The following DYNC2H1 variants were observed in gnomAD, a reference collection of about 807,000 sequenced individuals.
The protein encoded by DYNC2H1 is cytoplasmic dynein 2 heavy chain 1.
DYNC2H1 carries 410 observed loss-of-function variants against 570.0 expected under a neutral mutation model. The observed-to-expected ratio is 0.72, with a 90% CI of 0.66 to 0.78. The LOEUF is 0.78. Among genes scored for constraint, DYNC2H1 ranks in the 30% least tolerant of loss-of-function variants. The probability of loss-of-function intolerance (pLI) is 0.00; values close to 1 mark genes in which losing one functional copy is unlikely to be tolerated. For missense variants in DYNC2H1, 4,865 were observed against 5,046.4 expected, an observed-to-expected ratio of 0.96 and a Z score of 1.09; for synonymous variants, 1,688 against 1,677.6, an observed-to-expected ratio of 1.01 and a Z score of -0.15.
chr11:103,360,281 A>G (rs1181080764), intron 83 of DYNC2H1, among the ~76,000 whole-genome samples: 1 of 152,140 alleles, frequency 6.6e-6, no homozygotes, highest in African/African-American at 2.4e-5. Flanking sequence ...TCACTTATAT[A>G]ACAGAGATAA....
intron 87 of DYNC2H1, among the ~76,000 whole-genome samples, chr11:103,456,734 A>G (rs769346019): frequency 8.5e-5 from 13 of 152,160 alleles, no homozygotes; most frequent in Non-Finnish European, 1.8e-4. Context: ...ACACCCCCAA[A>G]TCTGAACCTT....
intron 63 of DYNC2H1, among the ~76,000 whole-genome samples, chr11:103,237,425 A>C (rs1591454762): frequency 6.6e-6 from 1 of 152,000 alleles, no homozygotes; most frequent in Admixed American, 6.6e-5. Context: ...GTTTTATTAG[A>C]CCTATTAATC....
intron 73 of DYNC2H1, among the ~76,000 whole-genome samples, chr11:103,283,946 T>C (rs1018130005): frequency 6.6e-6 from 1 of 152,156 alleles, no homozygotes; most frequent in Non-Finnish European, 1.5e-5. Context: ...CAGTCTTTAC[T>C]TGACCAAACT....
At chr11:103,122,685 T>A (rs935198746) in intron 10 of DYNC2H1, 140 bp from the exon 11 acceptor site, 2 of 729,136 alleles carry the variant, frequency 2.7e-6, no homozygotes, top group African/African-American at 3.5e-5. Context: ...TTATATTCTT[T>A]GGTGAATCTT....
At chr11:103,476,659 T>C (rs1158845902) in intron 88 of DYNC2H1, among the ~76,000 whole-genome samples, 1 of 152,126 alleles carries the variant, frequency 6.6e-6, no homozygotes, top group Non-Finnish European at 1.5e-5. Context: ...TTAAGAATGT[T>C]AGGAATGAAT....
rs1310192292 is a variant in DYNC2H1, at chr11:103,177,252, T to C, written c.5875-304T>C. Among the ~76,000 whole-genome samples, 1 of 152,104 alleles carries C rather than the reference T, an allele frequency of 6.6e-6. No homozygotes were observed. Among genetic ancestry groups the C allele is most frequent in the African/African-American group, 2.4e-5 (1 of 41,422 alleles). ...ATGAATGAATAAGTGAATAAAATAA[T>C]GAATATATTTGAATGAGTGAATGAG... On this transcript the variant is annotated intron_variant, in intron 37 of 88. Coordinates refer to ENST00000375735, the MANE Select transcript of DYNC2H1 (RefSeq NM_001377.3). The surrounding 1 kb of genome is among the most constrained non-coding windows in gnomAD (Gnocchi z 4.4).
intron 75 of DYNC2H1, among the ~76,000 whole-genome samples, chr11:103,288,708 A>AAAAAAAAAAAAAAAAAAAAC (rs1866458285): frequency 6.8e-6 from 1 of 146,864 alleles, no homozygotes; most frequent in Non-Finnish European, 1.5e-5. Flanking sequence ...AAAAAAAAAA[A>AAAAAAAAAAAAAAAAAAAAC]AAGAAAAGAA....
rs200845494 is a variant in DYNC2H1 at position 103,123,640 on chromosome 11, C to CA, written c.1661+648dup. On this transcript the variant is annotated intron_variant, in intron 11 of 88. Transcript: ENST00000375735. ...TACTCCAGGCAAGAAAAACAAAAAA[C>CA]AAAAAAAACCAGTGCTTTAGTCAAC... Among the ~76,000 whole-genome samples, 207 of 151,520 alleles carry CA rather than the reference C, an allele frequency of 1.4e-3. 1 individual carries two copies. The highest frequency in any genetic ancestry group is 4.8e-3 in the African/African-American group (199 of 41,290).
intron 82 of DYNC2H1, among the ~76,000 whole-genome samples, chr11:103,349,393 T>A (rs2135505533): frequency 6.6e-6 from 1 of 152,252 alleles, no homozygotes; most frequent in South Asian, 2.1e-4. Context: ...TGTGTCTTAT[T>A]TGTATTTTGA....
At chr11:103,403,159 T>C (rs1347091233) in intron 84 of DYNC2H1, 1 of 152,080 alleles carries the variant, frequency 6.6e-6, no homozygotes, top group Non-Finnish European at 1.5e-5. Flanking sequence ...ATTAGATGAT[T>C]GGAGGTTAGA....
intron 85 of DYNC2H1, among the ~76,000 whole-genome samples, chr11:103,441,148 T>C (rs1319997061): frequency 6.6e-6 from 1 of 152,104 alleles, no homozygotes; most frequent in East Asian, 1.9e-4. Context: ...CCTCATTTAC[T>C]CTGTTCTAGC....
At chr11:103,282,044 A>G in intron 71 of DYNC2H1, 135 bp from the exon 72 acceptor site, 1 of 632,138 alleles carries the variant, frequency 1.6e-6, no homozygotes, top group Non-Finnish European at 2.7e-6. Flanking sequence ...TTAACATACT[A>G]GAAGAAGTGG....
At chr11:103,282,040 T>C (rs914997765) in intron 71 of DYNC2H1, 139 bp from the exon 72 acceptor site, 5 of 610,460 alleles carry the variant, frequency 8.2e-6, no homozygotes, top group Non-Finnish European at 1.4e-5. Flanking sequence ...AATGTTAACA[T>C]ACTAGAAGAA....
At chr11:103,148,761 T>A in intron 20 of DYNC2H1, 144 bp downstream of exon 20, 1 of 1,105,066 alleles carries the variant, frequency 9.0e-7, no homozygotes, top group South Asian at 1.7e-5. Flanking sequence ...CCTGGTTAGC[T>A]CATGATTAGA....
At chr11:103,358,386 C>T in intron 83 of DYNC2H1, 27 bp downstream of exon 83, 2 of 1,457,412 alleles carry the variant, frequency 1.4e-6, no homozygotes, top group Non-Finnish European at 1.9e-6. Flanking sequence ...TCTTCTGATT[C>T]TTTTGCTTTT....
intron 6 of DYNC2H1, 56 bp from the exon 7 acceptor site, chr11:103,120,391 A>T: frequency 6.9e-7 from 1 of 1,448,330 alleles, no homozygotes; most frequent in Non-Finnish European, 9.2e-7. Flanking sequence ...TTTTAGACCT[A>T]TTTATGCAAA....
rs202054643 is a variant in DYNC2H1 at position 103,117,632 on chromosome 11, T to C, written c.768T>C (p.Gly256=). Residue 256 remains glycine (G), a splice_region_variant and synonymous_variant, in exon 6 of 89, where the codon GGT becomes GGC. Transcript: ENST00000375735. Reference sequence around the variant, plus strand: ...ACTCTTTGCTTTATGTTTTATTAGGTGGTTCATTTGGAAGGTTTGTTCAGA... The same window carrying C: ...ACTCTTTGCTTTATGTTTTATTAGGCGGTTCATTTGGAAGGTTTGTTCAGA... ...SRMLHLLDII[G]GSFGRFVQKK... The C allele has an allele frequency of 6.3e-7, 1 of 1,590,752 alleles. No individual in the cohort carries two copies. Among genetic ancestry groups the C allele is most frequent in the East Asian group, 2.2e-5 (1 of 44,644 alleles).
intron 18 of DYNC2H1, among the ~76,000 whole-genome samples, chr11:103,144,013 A>G (rs903880320): frequency 2.0e-5 from 3 of 152,236 alleles, no homozygotes; most frequent in African/African-American, 7.2e-5. Context: ...TTCAATAAAT[A>G]CTTAGTGCAC....
In DYNC2H1 at chr11:103,204,597, TACATTTTTCATGG is replaced by T. The variant is rs1052400583; in HGVS notation, c.8312-215_8312-203del. On this transcript the variant is annotated intron_variant, in intron 51 of 88. Coordinates refer to ENST00000375735, the MANE Select transcript of DYNC2H1 (RefSeq NM_001377.3). This position sits in a 1 kb window ranked among gnomAD's most constrained non-coding sequence, Gnocchi z 4.1. Reference sequence around the variant, plus strand: ...CACACCACCCAGACATTATGACACTTACATTTTTCATGGACATTTTTCTGAGTCTTTTTTCTTA... The same window carrying T: ...CACACCACCCAGACATTATGACACTTACATTTTTCTGAGTCTTTTTTCTTA... 6.6e-6 allele frequency among the ~76,000 whole-genome samples: 1 copy of T among 152,186 alleles called. No homozygotes were observed. Among genetic ancestry groups the T allele is most frequent in the Non-Finnish European group, 1.5e-5 (1 of 68,032 alleles).
Sources: gnomAD v4.1 joint callset for allele counts (sites outside exome capture counted in the v4.1 genomes callset) on GRCh38, gnomAD v4.1.1 for gene constraint, Gnocchi (gnomAD v3.1) non-coding constraint, MANE v1.5 for transcripts, NCBI Gene and HGNC (gene_info 2026-07-23, HGNC 2026-07-21) for gene names.